NEK6: variants seen among roughly 807,000 people sequenced by gnomAD.
NEK6 encodes the protein NIMA related kinase 6, also known as serine/threonine-protein kinase Nek6.
In NEK6, 27 loss-of-function variants were observed where a neutral mutation model predicts 43.5. The ratio of observed to expected loss-of-function variants is 0.62; its 90% CI spans 0.46 to 0.86. The LOEUF is 0.86. Ranked by LOEUF, NEK6 falls within the 40% of genes least tolerant of loss-of-function variation. The pLI is 0.00. For synonymous variants in NEK6, 167 were observed against 164.1 expected (o/e 1.02, Z -0.14); for missense variants, 318 against 414.4 (o/e 0.77, Z 2.02).
chr9:124,261,392 G>A (rs1308306915), intron 1 of NEK6: 6 of 985,234 alleles, frequency 6.1e-6, no homozygotes, highest in Non-Finnish European at 7.2e-6. Flanking sequence ...ACCAAGCAAG[G>A]GAGTTGGAGG....
At chr9:124,346,925 G>A (rs770700365) in intron 8 of NEK6, among the ~76,000 whole-genome samples, 4 of 152,224 alleles carry the variant, frequency 2.6e-5, no homozygotes, top group East Asian at 1.9e-4. Flanking sequence ...TGCCTCCTCC[G>A]TGTGCCAGCC....
chr9:124,332,102 AG>A (rs892661337), intron 7 of NEK6, among the ~76,000 whole-genome samples: 2 of 152,232 alleles, frequency 1.3e-5, no homozygotes, highest in African/African-American at 4.8e-5. Flanking sequence ...AGGAGAGGGA[AG>A]GGCCTTAAGG....
At position 124,312,500 on chromosome 9, in the gene NEK6, C is replaced by A. The variant is rs778485981; in HGVS notation, c.91-9C>A. ...GCTGCTCACGGAGGCCCTCTGTCCC[C>A]CGTTCCAGAGGCATCCCAACACGCT... is the stretch of plus-strand genomic sequence containing the variant. On this transcript the variant is annotated splice_polypyrimidine_tract_variant and intron_variant, in intron 2 of 9. Transcript: ENST00000320246. The A allele has an allele frequency of 5.0e-6, 8 of 1,611,462 alleles. No individual in the cohort carries two copies. Among genetic ancestry groups the A allele is most frequent in the Non-Finnish European group, 5.1e-6 (6 of 1,178,946 alleles).
chr9:124,266,978 C>T (rs373004427), intron 1 of NEK6, among the ~76,000 whole-genome samples: 2 of 152,178 alleles, frequency 1.3e-5, no homozygotes, highest in Middle Eastern at 3.2e-3. Flanking sequence ...TTCCTATGCC[C>T]CTTCCCTGCC....
chr9:124,287,400 C>T (rs1832214867), intron 1 of NEK6, among the ~76,000 whole-genome samples: 1 of 152,208 alleles, frequency 6.6e-6, no homozygotes, highest in Non-Finnish European at 1.5e-5. Flanking sequence ...GGGCCTTGGG[C>T]AAGTCGTGGC....
intron 7 of NEK6, among the ~76,000 whole-genome samples, chr9:124,338,010 T>C (rs1199126947): frequency 6.6e-6 from 1 of 152,214 alleles, no homozygotes; most frequent in Non-Finnish European, 1.5e-5. Flanking sequence ...AGAGTCTCAC[T>C]CACTCTCTCA....
intron 7 of NEK6, among the ~76,000 whole-genome samples, chr9:124,333,248 C>T (rs568522710): frequency 6.6e-6 from 1 of 152,360 alleles, no homozygotes; most frequent in African/African-American, 2.4e-5. Flanking sequence ...TGGCTATTGT[C>T]AGCGTAGACA....
In NEK6 at chr9:124,330,431, C is replaced by T. The variant is rs117930680; in HGVS notation, c.622+2986C>T. 1.1e-3 allele frequency among the ~76,000 whole-genome samples: 172 copies of T among 152,064 alleles called. 1 individual carries two copies. The highest frequency in any genetic ancestry group is 3.8e-3 in the African/African-American group (158 of 41,494). On this transcript the variant is annotated intron_variant, in intron 7 of 9. Transcript: ENST00000320246. ...CAAATCACGGGGCTGGGAGAGCGGG[C>T]GGGCAGGCCTGGCTCCTCGGCTGTA...
At chr9:124,328,096 G>A (rs368578841) in intron 7 of NEK6, among the ~76,000 whole-genome samples, 1 of 152,204 alleles carries the variant, frequency 6.6e-6, no homozygotes, top group Non-Finnish European at 1.5e-5. Flanking sequence ...GGGTCGGGGG[G>A]TGCTGAAGGG....
chr9:124,278,408 C>A (rs1831737001), intron 1 of NEK6, among the ~76,000 whole-genome samples: 1 of 152,176 alleles, frequency 6.6e-6, no homozygotes, highest in Non-Finnish European at 1.5e-5. Flanking sequence ...GCAGTAGTGT[C>A]CCAGGCATTG....
At chr9:124,274,183 C>A (rs1831563516) in intron 1 of NEK6, among the ~76,000 whole-genome samples, 1 of 152,256 alleles carries the variant, frequency 6.6e-6, no homozygotes, top group African/African-American at 2.4e-5. Flanking sequence ...GATCCTTGGC[C>A]ATGGAGGACA....
rs745983499 is a variant in NEK6, at chr9:124,301,979, C to T, written c.15C>T (p.Pro5=). The part of the protein sequence containing the change: MAGQ[P]GHMPHGGSSN... ...TGGCATGCAGGATGGCAGGACAGCCCGGCCACATGCCCCATGGAGGGAGTT... is the reference window on the plus strand; with the variant it reads ...TGGCATGCAGGATGGCAGGACAGCCTGGCCACATGCCCCATGGAGGGAGTT... Residue 5 remains proline, a synonymous_variant, in exon 2 of 10, where the codon CCC becomes CCT. Coordinates refer to ENST00000320246, the MANE Select transcript of NEK6 (RefSeq NM_014397.6). 31 of 1,600,968 alleles carry T rather than the reference C, an allele frequency of 1.9e-5. No individual in the cohort carries two copies. Among genetic ancestry groups the T allele is most frequent in the East Asian group, 6.8e-5 (3 of 44,272 alleles).
At chr9:124,288,088 C>G (rs4367656) in intron 1 of NEK6, among the ~76,000 whole-genome samples, 95,214 of 152,192 alleles carry the variant, frequency 0.63, 30,016 homozygotes, top group East Asian at 0.79. Flanking sequence ...TCCCAAAAGG[C>G]GGATCCCCAG....
chr9:124,315,388 G>C (rs1352588368), intron 4 of NEK6, among the ~76,000 whole-genome samples: 1 of 152,246 alleles, frequency 6.6e-6, no homozygotes. Flanking sequence ...CCCTGAAGTG[G>C]CTGCAAGTCG....
At chr9:124,292,577 G>T in intron 1 of NEK6, 1 of 1,536,362 alleles carries the variant, frequency 6.5e-7, no homozygotes, top group Non-Finnish European at 8.7e-7. Context: ...TCCAGCCCCC[G>T]GGGCTGTTCC....
intron 1 of NEK6, chr9:124,292,398 G>A: frequency 2.0e-6 from 3 of 1,526,780 alleles, no homozygotes; most frequent in Non-Finnish European, 2.6e-6. Context: ...AGCAGAAAAA[G>A]CAATTCTTTC....
chr9:124,280,129 A>T (rs532219059), intron 1 of NEK6, among the ~76,000 whole-genome samples: 1 of 152,346 alleles, frequency 6.6e-6, no homozygotes, highest in Admixed American at 6.5e-5. Context: ...CTGGAATTCC[A>T]GGTGTGCCTG....
intron 7 of NEK6, among the ~76,000 whole-genome samples, chr9:124,330,086 C>T (rs1389649402): frequency 1.3e-5 from 2 of 152,300 alleles, no homozygotes; most frequent in African/African-American, 2.4e-5. Flanking sequence ...GCCCCCTCCC[C>T]GCCTCTGTAT....
Position 124,291,150 on chromosome 9 carries a change from C to T in NEK6, c.-29-10786C>T, listed in dbSNP as rs144193811. Among the ~76,000 whole-genome samples, 47 of 152,294 alleles carry T rather than the reference C, an allele frequency of 3.1e-4. No individual in the cohort carries two copies. The East Asian group carries it at 8.3e-3, about 27-fold the overall frequency. On this transcript the variant is annotated intron_variant, in intron 1 of 9. Transcript: ENST00000320246. ...GCAATGTCATGTAACCCACCAGCAC[C>T]CCGGGCAGTAGATACTACCCTTGTC...
Sources: allele counts gnomAD v4.1 joint callset (sites outside exome capture counted in the v4.1 genomes callset), GRCh38; gene constraint gnomAD v4.1.1; transcripts MANE v1.5; gene names NCBI Gene and HGNC (gene_info 2026-07-23, HGNC 2026-07-21).